The following COBL variants were observed in gnomAD, a reference collection of about 807,000 sequenced individuals.
The protein encoded by COBL is cordon-bleu WH2 repeat protein.
COBL carries 51 observed loss-of-function variants against 98.8 expected under a neutral mutation model. That is an observed-to-expected ratio of 0.52 (90% confidence interval 0.41 to 0.65). The LOEUF (loss-of-function observed/expected upper bound fraction) is 0.65, where lower values mean the gene tolerates loss of function less well. COBL is among the 30% of genes least tolerant of loss of function. The pLI is 0.00. For synonymous variants in COBL, 634 were observed against 651.7 expected, an observed-to-expected ratio of 0.97 and a Z score of 0.41; for missense variants, 1,617 against 1,617.5, an observed-to-expected ratio of 1.00 and a Z score of 0.01.
At chr7:51,170,167 A>G (rs893778228) in intron 5 of COBL, among the ~76,000 whole-genome samples, 12 of 151,204 alleles carry the variant, frequency 7.9e-5, no homozygotes, top group Admixed American at 2.0e-4. Flanking sequence ...TTTTTTTCCT[A>G]CTGTATACAA....
rs1786393370 is a variant in COBL, at chr7:51,017,571, G to T, written c.3769-3C>A. Reference sequence around the variant, plus strand: ...TTCATTCACACGAGCAAGGGCACCTGCAGGGAAGAGAGATTCACAGTTATT... The same window carrying T: ...TTCATTCACACGAGCAAGGGCACCTTCAGGGAAGAGAGATTCACAGTTATT... On this transcript the variant is annotated splice_region_variant and splice_polypyrimidine_tract_variant and intron_variant, in intron 12 of 12. Coordinates refer to ENST00000265136, the MANE Select transcript of COBL (RefSeq NM_015198.5). 1 of 1,613,796 alleles carries T rather than the reference G, an allele frequency of 6.2e-7. No individual in the cohort carries two copies. The highest frequency in any genetic ancestry group is 1.3e-5 in the African/African-American group (1 of 74,928).
At chr7:51,194,271 T>C (rs1291269569) in intron 2 of COBL, among the ~76,000 whole-genome samples, 2 of 152,198 alleles carry the variant, frequency 1.3e-5, no homozygotes, top group African/African-American at 4.8e-5. Flanking sequence ...TCCATGTTTT[T>C]ACAAAGGACA....
chr7:51,017,364 G>T lies in COBL; in HGVS notation c.*187C>A. On this transcript the variant is annotated 3_prime_UTR_variant, in exon 13 of 13. Transcript: ENST00000265136. ...TTCCTTGGCACACGAGCTGCGCAGC[G>T]ACACAGCATCTTCTCCTTTCCTTTC... The T allele has an allele frequency of 1.6e-6, 1 of 636,670 alleles. No homozygotes were observed. The highest frequency in any genetic ancestry group is 2.8e-6 in the Non-Finnish European group (1 of 354,272). 39.4% of individuals were successfully genotyped at this position (636,670 alleles called of 1,614,324 possible). A position where few individuals can be genotyped will look rare whatever the true frequency, so the allele number is the denominator to read the frequency against.
At chr7:51,294,537 G>A (rs1801226252) in intron 1 of COBL, among the ~76,000 whole-genome samples, 2 of 151,354 alleles carry the variant, frequency 1.3e-5, no homozygotes, top group African/African-American at 2.4e-5. Context: ...CAGCTACTCA[G>A]GAGGCTGAGG....
chr7:51,193,669 AT>A, intron 2 of COBL, 80 bp from the exon 3 acceptor site: 1 of 1,280,146 alleles, frequency 7.8e-7, no homozygotes, highest in Non-Finnish European at 1.1e-6. Flanking sequence ...GGTAGAACAA[AT>A]GAACAAGTGG....
At chr7:51,062,758 G>T (rs1459630813) in intron 7 of COBL, among the ~76,000 whole-genome samples, 1 of 152,214 alleles carries the variant, frequency 6.6e-6, no homozygotes, top group Non-Finnish European at 1.5e-5. Flanking sequence ...GCCATCCCAG[G>T]AGTCGTGCCT....
intron 1 of COBL, among the ~76,000 whole-genome samples, chr7:51,287,477 A>G (rs1277657720): frequency 6.6e-6 from 1 of 152,234 alleles, no homozygotes; most frequent in Admixed American, 6.5e-5. Context: ...TCTTAAAAAT[A>G]TCAAGTGCTG....
chr7:51,277,135 T>C (rs977971985), intron 1 of COBL, among the ~76,000 whole-genome samples: 1 of 152,136 alleles, frequency 6.6e-6, no homozygotes, highest in African/African-American at 2.4e-5. Context: ...GGGATGCTCA[T>C]TGCCAAGGCA....
chr7:51,161,964 T>C (rs1301080300), intron 5 of COBL, among the ~76,000 whole-genome samples: 9 of 152,202 alleles, frequency 5.9e-5, no homozygotes. Context: ...TCTTTTCCAT[T>C]TTTGTGTGCT....
chr7:51,288,306 C>T (rs1036941214), intron 1 of COBL, among the ~76,000 whole-genome samples: 10 of 149,482 alleles, frequency 6.7e-5, no homozygotes, highest in African/African-American at 2.2e-4. Context: ...TGGTGGCAGG[C>T]GCCTGTAGTC....
chr7:51,040,164 C>T (rs1789031628), intron 8 of COBL, among the ~76,000 whole-genome samples: 1 of 149,578 alleles, frequency 6.7e-6, no homozygotes. Flanking sequence ...CTGAATATGT[C>T]TAATTTGTCA....
intron 1 of COBL, among the ~76,000 whole-genome samples, chr7:51,306,335 C>A (rs527453893): frequency 1.3e-5 from 2 of 152,302 alleles, no homozygotes; most frequent in African/African-American, 4.8e-5. Context: ...CATCACCCAG[C>A]TCATTACTGA....
intron 1 of COBL, among the ~76,000 whole-genome samples, chr7:51,302,128 G>A (rs916886782): frequency 3.3e-5 from 5 of 152,140 alleles, no homozygotes; most frequent in African/African-American, 7.2e-5. Flanking sequence ...AAGACTGCTG[G>A]GCTAACAAGG....
chr7:51,155,797 C>A (rs1157864538), intron 5 of COBL, among the ~76,000 whole-genome samples: 1 of 151,964 alleles, frequency 6.6e-6, no homozygotes, highest in Non-Finnish European at 1.5e-5. Flanking sequence ...ACTATTTAAG[C>A]CCTCCTGTGT....
chr7:51,147,243 C>T lies in COBL; in HGVS notation c.784-10912G>A, dbSNP rs10229478. ...AACCTGCCCATGGCCATCCACTAAGCCCTTCCTTGTCCTAGCTCACAAAAA... is the reference window on the plus strand; with the variant it reads ...AACCTGCCCATGGCCATCCACTAAGTCCTTCCTTGTCCTAGCTCACAAAAA... On this transcript the variant is annotated intron_variant, in intron 5 of 12. Coordinates refer to ENST00000265136, the MANE Select transcript of COBL (RefSeq NM_015198.5). Among the ~76,000 whole-genome samples, 560 of 152,318 alleles carry T rather than the reference C, an allele frequency of 3.7e-3. 3 individuals are homozygous for T. Among genetic ancestry groups the T allele is most frequent in the African/African-American group, 0.013 (527 of 41,576 alleles).
At position 51,113,534 on chromosome 7, in the gene COBL, A is replaced by C. The variant is rs577866110; in HGVS notation, c.957+22624T>G. ...CAATTCCACGGCTTAAAATTACTAA[A>C]GTGGTTCCTTAACATTTATTCCTTG... On this transcript the variant is annotated intron_variant, in intron 6 of 12. Coordinates refer to ENST00000265136, the MANE Select transcript of COBL (RefSeq NM_015198.5). Among the ~76,000 whole-genome samples, 296 of 152,312 alleles carry C rather than the reference A, an allele frequency of 1.9e-3. 1 individual carries two copies. The highest frequency in any genetic ancestry group is 6.3e-3 in the African/African-American group (263 of 41,586).
intron 1 of COBL, among the ~76,000 whole-genome samples, chr7:51,303,395 T>A (rs1457434272): frequency 6.6e-6 from 1 of 151,688 alleles, no homozygotes; most frequent in African/African-American, 2.4e-5. Flanking sequence ...CAAACAAAAA[T>A]ACAAAACCAG....
At chr7:51,284,503 A>AT (rs1800132079) in intron 1 of COBL, among the ~76,000 whole-genome samples, 2 of 151,386 alleles carry the variant, frequency 1.3e-5, no homozygotes, top group South Asian at 4.2e-4. Context: ...TAAATTAGAA[A>AT]TAAAAAAAAA....
chr7:51,172,398 G>A lies in COBL; in HGVS notation c.783+11704C>T, dbSNP rs1422629705. 13 of 1,116,382 alleles carry A rather than the reference G, an allele frequency of 1.2e-5. No homozygotes were observed. In the Admixed American group the frequency reaches 1.5e-4, roughly 13 times the overall value. The allele number at this position is 1,116,382 out of a possible 1,614,324, so 69.2% of individuals were successfully genotyped here. Reference sequence around the variant, plus strand: ...GTGATTTCACTATCTGGAAGGTCGCGCAAAGCAAGAAGTTCCAAGCAATTA... The same window carrying A: ...GTGATTTCACTATCTGGAAGGTCGCACAAAGCAAGAAGTTCCAAGCAATTA... On this transcript the variant is annotated intron_variant, in intron 5 of 12. Coordinates refer to ENST00000265136, the MANE Select transcript of COBL (RefSeq NM_015198.5).
Sources: gnomAD v4.1 joint callset for allele counts (sites outside exome capture counted in the v4.1 genomes callset) on GRCh38, gnomAD v4.1.1 for gene constraint, MANE v1.5 for transcripts, NCBI Gene and HGNC (gene_info 2026-07-23, HGNC 2026-07-21) for gene names.